Variants in DNAL4 observed in about 807,000 individuals in gnomAD.
The protein encoded by DNAL4 is dynein axonemal light chain 4, also known as dynein light chain, outer arm 4.
DNAL4 carries 10 observed loss-of-function variants against 12.6 expected under a neutral mutation model. That is an observed-to-expected ratio of 0.79 (90% confidence interval 0.49 to 1.34). The LOEUF (loss-of-function observed/expected upper bound fraction) is 1.34, where lower values mean the gene tolerates loss of function less well. DNAL4 is among the 40% of genes most tolerant of loss of function. The pLI, the probability that DNAL4 is intolerant of heterozygous loss-of-function variation, is 0.00. For missense variants in DNAL4, 128 were observed against 138.1 expected (o/e 0.93, Z 0.37); for synonymous variants, 46 against 53.1 (o/e 0.87, Z 0.58).
intron 2 of DNAL4, among the ~76,000 whole-genome samples, chr22:38,781,254 C>T (rs895357847): frequency 6.6e-6 from 1 of 152,252 alleles, no homozygotes; most frequent in Non-Finnish European, 1.5e-5. Flanking sequence ...CACCAGGTTC[C>T]AGCCAACAGA....
chr22:38,791,748 T>C (rs2093050909), intron 1 of DNAL4, among the ~76,000 whole-genome samples: 1 of 151,562 alleles, frequency 6.6e-6, no homozygotes, highest in Non-Finnish European at 1.5e-5. Context: ...TGGAGTGCAG[T>C]AGTGTGATCT....
chr22:38,790,703 G>T (rs765040551), intron 1 of DNAL4, among the ~76,000 whole-genome samples: 1 of 152,190 alleles, frequency 6.6e-6, no homozygotes, highest in South Asian at 2.1e-4. Flanking sequence ...CGATTTTGTT[G>T]TGTGAATGTC....
rs2093035850 is a variant in DNAL4, at chr22:38,782,538, T to C, written c.69+125A>G. ...CACTGTCAACTCCAAGATGTCTAGG[T>C]CTGAGCCAGCAGAGCCCTTCTTAAC... On this transcript the variant is annotated intron_variant, in intron 2 of 3. Transcript: ENST00000216068. This position sits in a 1 kb window ranked among gnomAD's most constrained non-coding sequence, Gnocchi z 5.1. 2.2e-6 allele frequency: 2 copies of C among 892,674 alleles called. No homozygotes were observed. Among genetic ancestry groups the C allele is most frequent in the Admixed American group, 5.2e-5 (2 of 38,564 alleles). The allele number at this position is 892,674 out of a possible 1,614,324, so 55.3% of individuals were successfully genotyped here.
Position 38,779,626 on chromosome 22 carries a change from G to C in DNAL4, c.154-13C>G. The stretch of plus-strand genomic sequence containing the variant: ...TCTTGGCGGCGCTCTGGAAGGAAGA[G>C]GGCACTTATCAAGGGGGCGCAGGGC... On this transcript the variant is annotated splice_polypyrimidine_tract_variant and intron_variant, in intron 3 of 3. Coordinates refer to ENST00000216068, the MANE Select transcript of DNAL4 (RefSeq NM_005740.3). The surrounding 1 kb of genome is among the most constrained non-coding windows in gnomAD (Gnocchi z 4.3). 8.2e-6 allele frequency: 13 copies of C among 1,591,528 alleles called. 1 individual carries two copies. The highest frequency in any genetic ancestry group is 6.8e-5 in the South Asian group (6 of 87,832).
chr22:38,780,036 G>A (rs944984366), intron 3 of DNAL4, among the ~76,000 whole-genome samples: 5 of 152,190 alleles, frequency 3.3e-5, no homozygotes, highest in African/African-American at 9.7e-5. Context: ...TACCTGATGC[G>A]TTCAGTGGGC....
chr22:38,783,187 C>T (rs751883775), intron 1 of DNAL4, among the ~76,000 whole-genome samples: 9 of 151,854 alleles, frequency 5.9e-5, no homozygotes, highest in South Asian at 2.1e-4. Flanking sequence ...ACTACATACA[C>T]GGTCCTTCCC....
Position 38,779,699 on chromosome 22 carries a change from A to C in DNAL4, c.154-86T>G, listed in dbSNP as rs1200728080. The stretch of plus-strand genomic sequence containing the variant: ...CTTCTCCAGGAAGGAGAAGGCTGGC[A>C]CTGAGGTCTTGGCAAGAGAAAGGCC... On this transcript the variant is annotated intron_variant, in intron 3 of 3. Coordinates refer to ENST00000216068, the MANE Select transcript of DNAL4 (RefSeq NM_005740.3). The surrounding 1 kb of genome is among the most constrained non-coding windows in gnomAD (Gnocchi z 4.3). The C allele has an allele frequency of 5.4e-6, 8 of 1,477,340 alleles. No homozygotes were observed. Among genetic ancestry groups the C allele is most frequent in the Non-Finnish European group, 7.3e-6 (8 of 1,101,704 alleles). 91.5% of individuals were successfully genotyped at this position (1,477,340 alleles called of 1,614,324 possible).
intron 2 of DNAL4, among the ~76,000 whole-genome samples, chr22:38,781,590 C>T (rs1056703319): frequency 1.3e-5 from 2 of 152,180 alleles, no homozygotes; most frequent in Non-Finnish European, 2.9e-5. Context: ...TCTTTGGGCT[C>T]CTGACTACTC....
Position 38,779,362 on chromosome 22 carries a change from A to G in DNAL4, c.*87T>C. 7 of 1,443,800 alleles carry G rather than the reference A, an allele frequency of 4.8e-6. No homozygotes were observed. The highest frequency in any genetic ancestry group is 6.4e-6 in the Non-Finnish European group (7 of 1,092,036). The allele number at this position is 1,443,800 out of a possible 1,614,324, so 89.4% of individuals were successfully genotyped here. ...AAGAAAAGACCCCAACTCTCCTTGGAAAAACCAGGACCTGCCTAGGGCTGC... is the reference window on the plus strand; with the variant it reads ...AAGAAAAGACCCCAACTCTCCTTGGGAAAACCAGGACCTGCCTAGGGCTGC... On this transcript the variant is annotated 3_prime_UTR_variant, in exon 4 of 4. Coordinates refer to ENST00000216068, the MANE Select transcript of DNAL4 (RefSeq NM_005740.3). This position sits in a 1 kb window ranked among gnomAD's most constrained non-coding sequence, Gnocchi z 4.3.
intron 1 of DNAL4, among the ~76,000 whole-genome samples, chr22:38,788,386 C>T (rs1277319467): frequency 2.6e-5 from 4 of 152,168 alleles, no homozygotes; most frequent in Non-Finnish European, 5.9e-5. Context: ...GTCAAACACA[C>T]GAAGTTGTTT....
intron 2 of DNAL4, among the ~76,000 whole-genome samples, chr22:38,781,477 C>T (rs2093034266): frequency 6.6e-6 from 1 of 152,100 alleles, no homozygotes; most frequent in South Asian, 2.1e-4. Flanking sequence ...CCTCCACTCT[C>T]CCATCTCCAG....
intron 1 of DNAL4, among the ~76,000 whole-genome samples, chr22:38,786,515 C>T (rs769565996): frequency 4.6e-5 from 7 of 152,178 alleles, no homozygotes; most frequent in Non-Finnish European, 8.8e-5. Context: ...GCCAAGATCA[C>T]ACCATTGCAC....
intron 1 of DNAL4, among the ~76,000 whole-genome samples, chr22:38,789,440 T>C (rs1487161986): frequency 6.6e-6 from 1 of 152,050 alleles, no homozygotes; most frequent in East Asian, 1.9e-4. Flanking sequence ...CATACTCGGC[T>C]AATTTTTTTA....
chr22:38,783,940 AC>A (rs1202350923), intron 1 of DNAL4, among the ~76,000 whole-genome samples: 1 of 149,050 alleles, frequency 6.7e-6, no homozygotes, highest in Non-Finnish European at 1.5e-5. Context: ...TTCATCTTCA[AC>A]CCAATTTATC....
chr22:38,780,776 C>T, intron 3 of DNAL4, 150 bp downstream of exon 3: 2 of 763,966 alleles, frequency 2.6e-6, no homozygotes, highest in South Asian at 1.8e-5. Flanking sequence ...CTCTCACTCA[C>T]TGACTTTCCC....
chr22:38,784,983 C>CG (rs545879268), intron 1 of DNAL4, among the ~76,000 whole-genome samples: 1 of 150,548 alleles, frequency 6.6e-6, no homozygotes, highest in Non-Finnish European at 1.5e-5. Flanking sequence ...AGACCCCCCC[C>CG]CCCATCCAAT....
In DNAL4 at chr22:38,783,437, T is replaced by C. The variant is rs563192807; in HGVS notation, c.-139-567A>G. The stretch of plus-strand genomic sequence containing the variant: ...CGGGCCTTCCCTCCTGCTACACACA[T>C]GGGCCTTCCTTCCCAGAAGCTGTGC... On this transcript the variant is annotated intron_variant, in intron 1 of 3. Transcript: ENST00000216068. Among the ~76,000 whole-genome samples the C allele has an allele frequency of 6.1e-4, 92 of 151,350 alleles. No individual in the cohort carries two copies. In the South Asian group the frequency reaches 0.018, roughly 30 times the overall value.
chr22:38,792,642 T>C lies in DNAL4; in HGVS notation c.-140+1426A>G, dbSNP rs77239232. Reference sequence around the variant, plus strand: ...TGTTAAAACTCAGACACAGATACACTAGCCTAAGCCTACACAGGGTCAGGA... The same window carrying C: ...TGTTAAAACTCAGACACAGATACACCAGCCTAAGCCTACACAGGGTCAGGA... On this transcript the variant is annotated intron_variant, in intron 1 of 3. Coordinates refer to ENST00000216068, the MANE Select transcript of DNAL4 (RefSeq NM_005740.3). Among the ~76,000 whole-genome samples the C allele has an allele frequency of 7.4e-3, 1,125 of 152,318 alleles. 14 individuals carry two copies. Among genetic ancestry groups the C allele is most frequent in the African/African-American group, 0.026 (1,070 of 41,560 alleles).
At chr22:38,781,113 G>A (rs907629717) in intron 2 of DNAL4, 104 bp from the exon 3 acceptor site, 3 of 1,275,550 alleles carry the variant, frequency 2.4e-6, no homozygotes, top group African/African-American at 2.9e-5. Flanking sequence ...ACAGCAGGTA[G>A]CCTCCCTGGC....
Sources: allele counts gnomAD v4.1 joint callset (sites outside exome capture counted in the v4.1 genomes callset), GRCh38; gene constraint gnomAD v4.1.1; non-coding constraint Gnocchi (gnomAD v3.1); transcripts MANE v1.5; gene names NCBI Gene and HGNC (gene_info 2026-07-23, HGNC 2026-07-21).